Variants in CHL1 observed in about 807,000 individuals in gnomAD.
CHL1 encodes the protein neural cell adhesion molecule L1-like protein.
Under a neutral mutation model 141.9 loss-of-function variants are expected in CHL1, and 96 were observed. The ratio of observed to expected loss-of-function variants is 0.68; its 90% CI spans 0.57 to 0.80. The LOEUF is 0.80. Ranked by LOEUF, CHL1 falls within the 30% of genes least tolerant of loss-of-function variation. CHL1 has a pLI of 0.00. For synonymous variants in CHL1, 613 were observed against 502.2 expected, an observed-to-expected ratio of 1.22 and a Z score of -2.95; for missense variants, 1,820 against 1,457.2, an observed-to-expected ratio of 1.25 and a Z score of -4.05.
At position 343,010 on chromosome 3, in the gene CHL1, T is replaced by C. The variant is rs1559284026; in HGVS notation, c.706T>C (p.Ser236Pro). The C allele has an allele frequency of 1.9e-6, 3 of 1,609,088 alleles. No individual in the cohort carries two copies. Among genetic ancestry groups the C allele is most frequent in the Middle Eastern group, 1.7e-4 (1 of 6,034 alleles). ...SLKHANDSSS[S>P]TEIGSKANSI... ...AAAGCATGCTAATGACTCAAGTTCATCCACAGAAATTGGTTCCAAGGGTAA... is the reference window on the plus strand; with the variant it reads ...AAAGCATGCTAATGACTCAAGTTCACCCACAGAAATTGGTTCCAAGGGTAA... Residue 236 changes from serine (S) to proline (P), a missense_variant, in exon 8 of 28, where the codon TCC becomes CCC. Ser to Pro is a moderately conservative substitution (Grantham distance 74, BLOSUM62 -1). Coordinates refer to ENST00000256509, the MANE Select transcript of CHL1 (RefSeq NM_006614.4).
intron 1 of CHL1, among the ~76,000 whole-genome samples, chr3:216,033 A>G (rs1291975381): frequency 6.6e-6 from 1 of 152,176 alleles, no homozygotes; most frequent in Non-Finnish European, 1.5e-5. Flanking sequence ...GAGAATATAT[A>G]TGTTATTAGG....
intron 13 of CHL1, among the ~76,000 whole-genome samples, chr3:362,560 A>G (rs552994001): frequency 6.6e-6 from 1 of 151,896 alleles, no homozygotes; most frequent in Admixed American, 6.6e-5. Flanking sequence ...CAAGCCTCCC[A>G]CTTGCCTCAG....
chr3:244,861 G>GT lies in CHL1; in HGVS notation c.-95+177dup, dbSNP rs539584700. ...GGACCAGATATATCATATAGTGAAG[G>GT]TTTTTTTTGTTTTTTGAGTTCCATT... On this transcript the variant is annotated intron_variant, in intron 2 of 27. Transcript: ENST00000256509. 1.9e-3 allele frequency among the ~76,000 whole-genome samples: 285 copies of GT among 152,026 alleles called. 1 individual carries two copies. Among genetic ancestry groups the GT allele is most frequent in the Admixed American group, 3.6e-3 (55 of 15,252 alleles).
rs192987023 is a variant in CHL1, at chr3:256,817, G to A, written c.-95+12125G>A. On this transcript the variant is annotated intron_variant, in intron 2 of 27. Transcript: ENST00000256509. ...TCAGCATGCAGTAGTTGCTAAATAT[G>A]TTTTTGGATGACTGAGTGATGGCAT... 2.0e-4 allele frequency among the ~76,000 whole-genome samples: 30 copies of A among 152,278 alleles called. No individual in the cohort carries two copies. In the East Asian group the frequency reaches 5.4e-3, roughly 27 times the overall value.
intron 2 of CHL1, among the ~76,000 whole-genome samples, chr3:302,907 G>T (rs546231068): frequency 3.3e-5 from 5 of 152,172 alleles, no homozygotes; most frequent in African/African-American, 1.2e-4. Context: ...CCTATCTTGA[G>T]TTGATTTTTG....
rs140063565 is a variant in CHL1, at chr3:398,308, A to T, written c.3176A>T (p.His1059Leu). The part of the protein sequence containing the change: ...PIEVFEPGAE[H>L]IVRLMTKNWG... ...GAGGTATTTGAGCCGGGAGCTGAAC[A>T]TATAGTTCGCCTAATGACTAAGAAT... The change falls in exon 25 of 28, where the codon CAT (histidine) becomes CTT (leucine). Residue 1059 changes from histidine to leucine, a missense_variant. Transcript: ENST00000256509. 2.5e-6 allele frequency: 4 copies of T among 1,608,334 alleles called. No homozygotes were observed. The African/African-American group carries it at 5.3e-5, about 22-fold the overall frequency.
At chr3:401,952 A>T (rs887955851) in intron 27 of CHL1, among the ~76,000 whole-genome samples, 4 of 152,204 alleles carry the variant, frequency 2.6e-5, no homozygotes, top group African/African-American at 9.6e-5. Context: ...CTCTGTGCCT[A>T]ACACAAAGAA....
At chr3:302,649 C>T (rs375471654) in intron 2 of CHL1, among the ~76,000 whole-genome samples, 2 of 151,986 alleles carry the variant, frequency 1.3e-5, no homozygotes, top group Non-Finnish European at 2.9e-5. Context: ...GATAGGTCTT[C>T]GTCAGATGGA....
intron 2 of CHL1, among the ~76,000 whole-genome samples, chr3:282,171 T>C (rs1696721729): frequency 6.6e-6 from 1 of 152,194 alleles, no homozygotes; most frequent in African/African-American, 2.4e-5. Context: ...TTAGTATCTG[T>C]TCTGGGGAAT....
chr3:331,055 T>A (rs946700229), intron 5 of CHL1, among the ~76,000 whole-genome samples: 2 of 152,148 alleles, frequency 1.3e-5, no homozygotes, highest in Non-Finnish European at 2.9e-5. Context: ...TTCCACCTCA[T>A]ATCATATAAA....
intron 5 of CHL1, among the ~76,000 whole-genome samples, chr3:338,494 GTAAT>G (rs1251692680): frequency 1.6e-4 from 25 of 152,218 alleles, no homozygotes; most frequent in African/African-American, 5.8e-4. Flanking sequence ...CTGTGTTATA[GTAAT>G]TAAAGTTCAC....
chr3:204,363 C>T (rs1290475859), intron 1 of CHL1, among the ~76,000 whole-genome samples: 2 of 152,196 alleles, frequency 1.3e-5, no homozygotes, highest in Admixed American at 1.3e-4. Context: ...CTCATGTAAC[C>T]TGGATGCCTG....
intron 2 of CHL1, among the ~76,000 whole-genome samples, chr3:256,575 C>T (rs1020333433): frequency 1.1e-4 from 16 of 152,124 alleles, no homozygotes; most frequent in African/African-American, 3.9e-4. Flanking sequence ...TCAGTAGAGG[C>T]CAAAGATGCT....
At chr3:300,901 C>T (rs556092540) in intron 2 of CHL1, among the ~76,000 whole-genome samples, 1 of 152,174 alleles carries the variant, frequency 6.6e-6, no homozygotes, top group African/African-American at 2.4e-5. Context: ...AAGGATTCTC[C>T]AGACTGATGG....
intron 15 of CHL1, chr3:373,668 T>G (rs920106077): frequency 6.6e-6 from 1 of 152,434 alleles, no homozygotes; most frequent in African/African-American, 2.4e-5. Flanking sequence ...CTCGGTAGGC[T>G]TAAGCAGATT....
intron 2 of CHL1, among the ~76,000 whole-genome samples, chr3:312,958 G>C (rs927838614): frequency 6.6e-6 from 1 of 152,156 alleles, no homozygotes; most frequent in South Asian, 2.1e-4. Context: ...GTAGAAAAAT[G>C]TTGTTTAATG....
At chr3:210,394 G>C (rs1296930567) in intron 1 of CHL1, among the ~76,000 whole-genome samples, 1 of 152,218 alleles carries the variant, frequency 6.6e-6, no homozygotes, top group Non-Finnish European at 1.5e-5. Flanking sequence ...TAATATGGTG[G>C]TATCTCAGAG....
At chr3:401,349 A>G (rs1432020596) in intron 26 of CHL1, among the ~76,000 whole-genome samples, 1 of 152,156 alleles carries the variant, frequency 6.6e-6, no homozygotes, top group Admixed American at 6.5e-5. Context: ...TTCCAATAAG[A>G]CTTCTCGTTC....
At chr3:388,556 A>G (rs1177830411) in intron 19 of CHL1, among the ~76,000 whole-genome samples, 2 of 152,104 alleles carry the variant, frequency 1.3e-5, no homozygotes, top group Non-Finnish European at 2.9e-5. Flanking sequence ...TCAAGAAAAA[A>G]AAAAAAAAAA....
Sources: allele counts gnomAD v4.1 joint callset (sites outside exome capture counted in the v4.1 genomes callset), GRCh38; gene constraint gnomAD v4.1.1; transcripts MANE v1.5; gene names NCBI Gene and HGNC (gene_info 2026-07-23, HGNC 2026-07-21).